KALRN: variants seen among roughly 807,000 people sequenced by gnomAD.
KALRN encodes the protein kalirin.
Under a neutral mutation model 353.7 loss-of-function variants are expected in KALRN, and 70 were observed. That is an observed-to-expected ratio of 0.20 (90% CI 0.16 to 0.24). KALRN has a LOEUF of 0.24. Ranked by LOEUF, KALRN falls within the 10% of genes least tolerant of loss-of-function variation. The probability of loss-of-function intolerance (pLI) is 1.00; values close to 1 mark genes in which losing one functional copy is unlikely to be tolerated. For synonymous variants in KALRN, 1,391 were observed against 1,434.8 expected (o/e 0.97, Z 0.69); for missense variants, 2,791 against 3,756.7 (o/e 0.74, Z 6.72).
At chr3:124,293,115 C>T (rs2076560741) in intron 5 of KALRN, among the ~76,000 whole-genome samples, 1 of 152,196 alleles carries the variant, frequency 6.6e-6, no homozygotes, top group Non-Finnish European at 1.5e-5. Context: ...CTCTCTAGGG[C>T]ACAAGCTTTT....
At chr3:124,454,127 C>A in intron 21 of KALRN, among the ~76,000 whole-genome samples, 1 of 152,210 alleles carries the variant, frequency 6.6e-6, no homozygotes, top group East Asian at 1.9e-4. Context: ...CCTCTTTCTC[C>A]TGCTCTCTAA....
At chr3:124,143,250 G>C (rs893491785) in intron 1 of KALRN, among the ~76,000 whole-genome samples, 4 of 152,100 alleles carry the variant, frequency 2.6e-5, no homozygotes, top group Admixed American at 2.6e-4. Flanking sequence ...GCAAGAAAAG[G>C]CACATATTTC....
chr3:124,047,745 C>T (rs1362609833), intron 1 of KALRN, among the ~76,000 whole-genome samples: 11 of 151,706 alleles, frequency 7.3e-5, no homozygotes, highest in South Asian at 4.2e-4. Flanking sequence ...CCTCATGATC[C>T]GCCTGCCTTG....
intron 10 of KALRN, chr3:124,384,633 G>T: frequency 2.1e-6 from 1 of 471,786 alleles, no homozygotes; most frequent in Non-Finnish European, 3.8e-6. Flanking sequence ...AGAAATCCCA[G>T]GGGTGGATGA....
intron 3 of KALRN, among the ~76,000 whole-genome samples, chr3:124,259,071 G>A (rs2072472089): frequency 6.6e-6 from 1 of 152,214 alleles, no homozygotes; most frequent in South Asian, 2.1e-4. Context: ...GTAAGAGACT[G>A]AAAGAAGCAG....
At chr3:124,156,481 C>T (rs2149970798) in intron 1 of KALRN, among the ~76,000 whole-genome samples, 1 of 152,252 alleles carries the variant, frequency 6.6e-6, no homozygotes, top group East Asian at 1.9e-4. Context: ...TTCCTGTTCC[C>T]CGCCATGTTA....
intron 2 of KALRN, among the ~76,000 whole-genome samples, chr3:124,233,838 A>G (rs1361531772): frequency 6.6e-6 from 1 of 152,146 alleles, no homozygotes; most frequent in Non-Finnish European, 1.5e-5. Context: ...ATGTGGCGTG[A>G]AGAGTCTGTG....
At chr3:124,350,036 C>T (rs1396943044) in intron 10 of KALRN, among the ~76,000 whole-genome samples, 3 of 152,182 alleles carry the variant, frequency 2.0e-5, no homozygotes, top group Admixed American at 6.5e-5. Flanking sequence ...TTAGAAAGGA[C>T]GTCCCCAAAG....
intron 33 of KALRN, among the ~76,000 whole-genome samples, chr3:124,548,293 A>T (rs972896170): frequency 2.6e-5 from 4 of 152,196 alleles, no homozygotes; most frequent in African/African-American, 9.7e-5. Flanking sequence ...GGTATGGTTG[A>T]CTTATATTTA....
intron 6 of KALRN, among the ~76,000 whole-genome samples, chr3:124,311,064 C>CTTT (rs71145446): frequency 0.019 from 1,310 of 67,496 alleles, 244 homozygotes; most frequent in East Asian, 0.11. Flanking sequence ...GATACTACTT[C>CTTT]TTTTTTTTTT....
At chr3:124,353,728 T>C (rs959682614) in intron 10 of KALRN, among the ~76,000 whole-genome samples, 1 of 151,716 alleles carries the variant, frequency 6.6e-6, no homozygotes. Context: ...CTCTAGCTTC[T>C]TAACAAGGAT....
At chr3:124,694,961 C>A (rs1028886130) in intron 53 of KALRN, among the ~76,000 whole-genome samples, 2 of 152,244 alleles carry the variant, frequency 1.3e-5, no homozygotes, top group African/African-American at 4.8e-5. Context: ...CCAAGTGAAT[C>A]TCTAAGTCAG....
chr3:124,565,384 A>G (rs758189929), intron 34 of KALRN, among the ~76,000 whole-genome samples: 2 of 152,212 alleles, frequency 1.3e-5, no homozygotes, highest in Admixed American at 6.5e-5. Flanking sequence ...CTTGAAGTCT[A>G]GCCAAGAGGA....
At position 124,033,995 on chromosome 3, in the gene KALRN, G is replaced by C. The variant is rs1365450562; in HGVS notation, c.73+182G>C. Among the ~76,000 whole-genome samples, 3 of 152,120 alleles carry C rather than the reference G, an allele frequency of 2.0e-5. No individual in the cohort carries two copies. The highest frequency in any genetic ancestry group is 7.2e-5 in the African/African-American group (3 of 41,510). ...GTTATGGCAGTGCTGGCTGCGTCTG[G>C]GGAGGGCGTGGGGGCTGGGAACTCC... On this transcript the variant is annotated intron_variant, in intron 1 of 59. Coordinates refer to ENST00000682506, the MANE Select transcript of KALRN (RefSeq NM_001388419.1). The surrounding 1 kb of genome is among the most constrained non-coding windows in gnomAD (Gnocchi z 6.2).
chr3:124,396,152 A>G (rs1009200447), intron 12 of KALRN, among the ~76,000 whole-genome samples: 34 of 152,110 alleles, frequency 2.2e-4, no homozygotes, highest in African/African-American at 8.2e-4. Flanking sequence ...TCCTATCCCA[A>G]AATCACTGAG....
intron 1 of KALRN, among the ~76,000 whole-genome samples, chr3:124,037,201 G>C (rs1023561693): frequency 8.5e-5 from 13 of 152,254 alleles, no homozygotes; most frequent in African/African-American, 2.7e-4. Context: ...AGTGGTCTCT[G>C]TCCTCAAAGA....
chr3:124,422,960 C>A lies in KALRN; in HGVS notation c.2691C>A (p.Leu897=), dbSNP rs1364622680. The A allele has an allele frequency of 1.2e-6, 2 of 1,613,640 alleles. No homozygotes were observed. The highest frequency in any genetic ancestry group is 1.7e-5 in the Admixed American group (1 of 59,988). Residue 897 remains leucine (L), a synonymous_variant, in exon 15 of 60, where the codon CTC becomes CTA. Coordinates refer to ENST00000682506, the MANE Select transcript of KALRN (RefSeq NM_001388419.1). ...AGCAGTGCCTCCAATTACGTCACCT[C>A]CAGGCTGAAGTCAAACAGGTAAGCC... ...RLEQCLQLRH[L]QAEVKQVLGW...
At chr3:124,693,082 A>T (rs2061896013) in intron 51 of KALRN, among the ~76,000 whole-genome samples, 1 of 152,208 alleles carries the variant, frequency 6.6e-6, no homozygotes, top group African/African-American at 2.4e-5. Context: ...CAGCCTTGTG[A>T]CCAGAGTTAG....
chr3:124,143,441 G>T (rs1334647862), intron 1 of KALRN, among the ~76,000 whole-genome samples: 1 of 152,168 alleles, frequency 6.6e-6, no homozygotes, highest in Non-Finnish European at 1.5e-5. Flanking sequence ...GTTTTCTGGG[G>T]AAGATGGACG....
Sources: gnomAD v4.1 joint callset for allele counts (sites outside exome capture counted in the v4.1 genomes callset) on GRCh38, gnomAD v4.1.1 for gene constraint, Gnocchi (gnomAD v3.1) non-coding constraint, MANE v1.5 for transcripts, NCBI Gene and HGNC (gene_info 2026-07-23, HGNC 2026-07-21) for gene names.